The following CNTNAP3B variants were observed in gnomAD, a reference collection of about 807,000 sequenced individuals.
CNTNAP3B encodes contactin-associated protein-like 3B.
In CNTNAP3B, 25 loss-of-function variants were observed where a neutral mutation model predicts 108.9. The ratio of observed to expected loss-of-function variants is 0.23; its 90% CI spans 0.17 to 0.32. The LOEUF is 0.32. Ranked by LOEUF, CNTNAP3B falls within the 10% of genes least tolerant of loss-of-function variation. The pLI is 1.00. For missense variants in CNTNAP3B, 252 were observed against 1,210.4 expected, an observed-to-expected ratio of 0.21 and a Z score of 11.75; for synonymous variants, 103 against 473.4, an observed-to-expected ratio of 0.22 and a Z score of 10.16.
chr9:41,980,791 G>A (rs1028448104), intron 9 of CNTNAP3B: 1 of 140,420 alleles, frequency 7.1e-6, no homozygotes, highest in Non-Finnish European at 1.5e-5. Flanking sequence ...GCATCATACT[G>A]AATGGGCAAA....
intron 1 of CNTNAP3B, among the ~76,000 whole-genome samples, chr9:42,110,082 A>T (rs1828163726): frequency 7.4e-6 from 1 of 135,982 alleles, no homozygotes; most frequent in Non-Finnish European, 1.6e-5. Flanking sequence ...CCAGACTATG[A>T]CAGAATAAAT....
intron 3 of CNTNAP3B, among the ~76,000 whole-genome samples, chr9:42,066,447 A>AAT: frequency 1.0e-5 from 1 of 95,770 alleles, no homozygotes; most frequent in East Asian, 3.6e-4. Context: ...TTTTTTTGAG[A>AAT]CAGAGTTTCA....
intron 9 of CNTNAP3B, among the ~76,000 whole-genome samples, chr9:41,976,798 A>T (rs1463120916): frequency 9.2e-6 from 1 of 108,674 alleles, no homozygotes; most frequent in African/African-American, 3.9e-5. Flanking sequence ...GCAGGCCTGC[A>T]GTCCCAGCTA....
chr9:42,083,049 T>C (rs1827634580), intron 2 of CNTNAP3B, among the ~76,000 whole-genome samples: 1 of 139,608 alleles, frequency 7.2e-6, no homozygotes, highest in Non-Finnish European at 1.5e-5. Flanking sequence ...TTGGCTATAT[T>C]AAACAAAGTA....
intron 18 of CNTNAP3B, among the ~76,000 whole-genome samples, chr9:41,918,662 A>G (rs1823582250): frequency 7.1e-6 from 1 of 141,802 alleles, no homozygotes; most frequent in Non-Finnish European, 1.5e-5. Context: ...TTTACTTACC[A>G]TATAACGTCT....
intron 8 of CNTNAP3B, among the ~76,000 whole-genome samples, chr9:41,988,274 A>G: frequency 4.2e-5 from 3 of 70,644 alleles, no homozygotes; most frequent in African/African-American, 6.2e-5. Context: ...TTTGAGATGG[A>G]GTCTCGCTCT....
intron 3 of CNTNAP3B, among the ~76,000 whole-genome samples, chr9:42,062,844 G>A (rs1428646953): frequency 1.1e-5 from 1 of 94,008 alleles, no homozygotes; most frequent in Admixed American, 1.1e-4. Context: ...TTACCAGGAG[G>A]CTGACATAAA....
At position 42,113,735 on chromosome 9, in the gene CNTNAP3B, C is replaced by T. The variant is rs1828249951; in HGVS notation, c.86-8996G>A. ...GAATAACACCTAGTATTTGATAACA[C>T]AAGAGGTGACTATAGTCAATAATTA... On this transcript the variant is annotated intron_variant, in intron 1 of 23. Transcript: ENST00000377561. Among the ~76,000 whole-genome samples the T allele has an allele frequency of 1.4e-5, 2 of 139,046 alleles. 1 individual carries two copies. Among genetic ancestry groups the T allele is most frequent in the African/African-American group, 5.7e-5 (2 of 35,044 alleles). 91.2% of individuals were successfully genotyped at this position (139,046 alleles called of 152,430 possible).
At chr9:41,959,997 T>G (rs1330624408) in intron 12 of CNTNAP3B, 1 of 13,396 alleles carries the variant, frequency 7.5e-5, no homozygotes, top group African/African-American at 4.0e-4. Context: ...CTTTTTTTCC[T>G]TTTTTTTTTT....
chr9:41,951,892 C>T (rs1273584082), intron 13 of CNTNAP3B, among the ~76,000 whole-genome samples: 3 of 152,224 alleles, frequency 2.0e-5, no homozygotes, highest in African/African-American at 7.2e-5. Flanking sequence ...GCCTGACCAA[C>T]ACGGTGAAAC....
rs527806305 is a variant in CNTNAP3B at position 42,119,442 on chromosome 9, C to A, written c.85+9568G>T. 5.7e-3 allele frequency among the ~76,000 whole-genome samples: 749 copies of A among 131,354 alleles called. 125 individuals carry two copies. The highest frequency in any genetic ancestry group is 0.022 in the African/African-American group (707 of 32,110). 86.2% of individuals were successfully genotyped at this position (131,354 alleles called of 152,430 possible). A position where few individuals can be genotyped will look rare whatever the true frequency, so the allele number is the denominator to read the frequency against. ...TAGATTCAATGCCATCCCCATCAAG[C>A]TACCAATGACTTTCTTCACAGAATT... On this transcript the variant is annotated intron_variant, in intron 1 of 23. Coordinates refer to ENST00000377561, the MANE Select transcript of CNTNAP3B (RefSeq NM_001201380.3).
intron 7 of CNTNAP3B, among the ~76,000 whole-genome samples, chr9:41,992,702 ATT>A (rs1311229639): frequency 5.2e-5 from 5 of 96,274 alleles, no homozygotes; most frequent in Middle Eastern, 6.7e-3. Context: ...TTCCGGCAGA[ATT>A]TCAGAAATAA....
intron 10 of CNTNAP3B, among the ~76,000 whole-genome samples, chr9:41,969,789 T>A (rs962185362): frequency 1.8e-5 from 2 of 109,336 alleles, no homozygotes; most frequent in East Asian, 8.2e-4. Context: ...GGCTAATTTT[T>A]TTTTTTCTGT....
rs1826186999 is a variant in CNTNAP3B at position 42,014,581 on chromosome 9, G to A, written c.391-1056C>T. On this transcript the variant is annotated intron_variant, in intron 3 of 23. Coordinates refer to ENST00000377561, the MANE Select transcript of CNTNAP3B (RefSeq NM_001201380.3). ...CAAGTCGGACAGATCACGAGGTCAG[G>A]AGATCGAGATCATCCTGGCTAACAC... Among the ~76,000 whole-genome samples the A allele has an allele frequency of 1.7e-5, 2 of 116,468 alleles. 1 individual carries two copies. Among genetic ancestry groups the A allele is most frequent in the Non-Finnish European group, 3.5e-5 (2 of 56,488 alleles). 76.4% of individuals were successfully genotyped at this position (116,468 alleles called of 152,430 possible).
At chr9:41,894,319 G>A in intron 23 of CNTNAP3B, among the ~76,000 whole-genome samples, 1 of 112,208 alleles carries the variant, frequency 8.9e-6, no homozygotes, top group Middle Eastern at 4.2e-3. Context: ...GTAGAGATGG[G>A]GTGTTGCTAT....
Position 41,946,016 on chromosome 9 carries a change from G to A in CNTNAP3B, c.2080+7167C>T, listed in dbSNP as rs1231118094. Among the ~76,000 whole-genome samples the A allele has an allele frequency of 3.7e-3, 562 of 152,054 alleles. No homozygotes were observed. In the South Asian group the frequency reaches 0.052, roughly 14 times the overall value. ...AAAGGGCATTACACAATAATAAAGG[G>A]GTCAATATAACAAGAAGATATAATA... is the stretch of plus-strand genomic sequence containing the variant. On this transcript the variant is annotated intron_variant, in intron 13 of 23. Coordinates refer to ENST00000377561, the MANE Select transcript of CNTNAP3B (RefSeq NM_001201380.3).
At chr9:41,939,748 A>T (rs2118074472) in intron 13 of CNTNAP3B, among the ~76,000 whole-genome samples, 1 of 152,402 alleles carries the variant, frequency 6.6e-6, no homozygotes, top group Admixed American at 6.5e-5. Flanking sequence ...AATCTCCCAT[A>T]TTCCCCATAA....
intron 15 of CNTNAP3B, among the ~76,000 whole-genome samples, chr9:41,925,449 C>T (rs1285561947): frequency 2.0e-5 from 3 of 152,274 alleles, no homozygotes; most frequent in Non-Finnish European, 2.9e-5. Context: ...AAAAATTAGC[C>T]AGGCATGGTG....
Position 42,129,228 on chromosome 9 carries a change from A to G in CNTNAP3B, c.-134T>C, listed in dbSNP as rs1287617853. On this transcript the variant is annotated 5_prime_UTR_variant, in exon 1 of 24. Coordinates refer to ENST00000377561, the MANE Select transcript of CNTNAP3B (RefSeq NM_001201380.3). ...GCTCTGTCTCCCCTGTCCAGTCTCT[A>G]GCTCTCTTCCTCACGCACTGGCAGC... The G allele has an allele frequency of 7.6e-7, 1 of 1,315,042 alleles. No individual in the cohort carries two copies. Among genetic ancestry groups the G allele is most frequent in the Non-Finnish European group, 1.0e-6 (1 of 996,636 alleles). The allele number at this position is 1,315,042 out of a possible 1,614,324, so 81.5% of individuals were successfully genotyped here. A position where few individuals can be genotyped will look rare whatever the true frequency, so the allele number is the denominator to read the frequency against.
Sources: allele counts gnomAD v4.1 joint callset (sites outside exome capture counted in the v4.1 genomes callset), GRCh38; gene constraint gnomAD v4.1.1; transcripts MANE v1.5; gene names NCBI Gene and HGNC (gene_info 2026-07-23, HGNC 2026-07-21).